Variants in MAGI1 observed in about 807,000 individuals in gnomAD.
The protein encoded by MAGI1 is membrane-associated guanylate kinase, WW and PDZ domain-containing protein 1.
A neutral mutation model predicts 139.9 loss-of-function variants in MAGI1; 58 were observed. The observed-to-expected ratio is 0.41, with a 90% CI of 0.34 to 0.52. The LOEUF (loss-of-function observed/expected upper bound fraction) is 0.52, where lower values mean the gene tolerates loss of function less well. Among genes scored for constraint, MAGI1 ranks in the 20% least tolerant of loss-of-function variants. MAGI1 has a pLI of 0.12. For missense variants in MAGI1, 1,874 were observed against 1,901.6 expected, an observed-to-expected ratio of 0.99 and a Z score of 0.27; for synonymous variants, 812 against 737.9, an observed-to-expected ratio of 1.10 and a Z score of -1.63.
chr3:65,593,473 T>G (rs2082055178), intron 2 of MAGI1, among the ~76,000 whole-genome samples: 1 of 152,182 alleles, frequency 6.6e-6, no homozygotes, highest in Non-Finnish European at 1.5e-5. Context: ...GTGAGCAGAG[T>G]AGAAATCTAA....
At chr3:65,574,892 T>A (rs748075583) in intron 2 of MAGI1, among the ~76,000 whole-genome samples, 1 of 152,006 alleles carries the variant, frequency 6.6e-6, no homozygotes, top group Non-Finnish European at 1.5e-5. Flanking sequence ...ACTAAAACAA[T>A]TGGACTTTCA....
At chr3:65,577,896 A>C (rs771065727) in intron 2 of MAGI1, among the ~76,000 whole-genome samples, 2 of 151,990 alleles carry the variant, frequency 1.3e-5, no homozygotes, top group Non-Finnish European at 2.9e-5. Context: ...ACATTCTTTT[A>C]TTTGCCTTTA....
chr3:65,766,505 C>G (rs948946064), intron 1 of MAGI1, among the ~76,000 whole-genome samples: 1 of 152,154 alleles, frequency 6.6e-6, no homozygotes, highest in Non-Finnish European at 1.5e-5. Flanking sequence ...CTCAGGTGAT[C>G]CGCTTGCTTA....
At position 65,430,582 on chromosome 3, in the gene MAGI1, T is replaced by C. The variant is rs145776043; in HGVS notation, c.1546+117A>G. On this transcript the variant is annotated intron_variant, in intron 11 of 22. Transcript: ENST00000402939. ...CTCAAGGTGTTTAAAGCTGTAAACA[T>C]GTGCAATCATGACGTTGCTTGGTCT... 8.6e-4 allele frequency: 889 copies of C among 1,035,168 alleles called. 3 individuals carry two copies. In the African/African-American group the frequency reaches 0.013, roughly 15 times the overall value. 64.1% of individuals were successfully genotyped at this position (1,035,168 alleles called of 1,614,324 possible).
At chr3:65,920,417 C>A (rs1472721089) in intron 1 of MAGI1, among the ~76,000 whole-genome samples, 1 of 152,176 alleles carries the variant, frequency 6.6e-6, no homozygotes, top group Non-Finnish European at 1.5e-5. Context: ...CAGTCACACA[C>A]AAACACCGTA....
chr3:65,431,927 A>C (rs562101954), intron 10 of MAGI1, among the ~76,000 whole-genome samples: 2 of 152,152 alleles, frequency 1.3e-5, no homozygotes, highest in Non-Finnish European at 2.9e-5. Flanking sequence ...CAGGAGGTAG[A>C]GGTTGCAGTG....
At chr3:65,370,795 C>T (rs931203850) in intron 18 of MAGI1, among the ~76,000 whole-genome samples, 5 of 152,166 alleles carry the variant, frequency 3.3e-5, no homozygotes, top group African/African-American at 7.2e-5. Context: ...AGTTGGACTA[C>T]GGGTGCAAGC....
chr3:65,913,143 C>T (rs1356950805), intron 1 of MAGI1, among the ~76,000 whole-genome samples: 2 of 152,010 alleles, frequency 1.3e-5, no homozygotes, highest in East Asian at 3.9e-4. Flanking sequence ...CACCTGTAAT[C>T]CCAGATACTC....
intron 1 of MAGI1, among the ~76,000 whole-genome samples, chr3:66,018,540 C>T (rs77333364): frequency 0.071 from 10,839 of 152,142 alleles, 458 homozygotes; most frequent in East Asian, 0.16. Flanking sequence ...CGGTAAGGGC[C>T]GGTGAAGGAA....
intron 15 of MAGI1, among the ~76,000 whole-genome samples, chr3:65,382,894 T>C (rs959536529): frequency 2.6e-5 from 4 of 152,164 alleles, no homozygotes; most frequent in African/African-American, 7.2e-5. Context: ...ACCTGGCACA[T>C]AGTAAGCGCT....
intron 12 of MAGI1, among the ~76,000 whole-genome samples, chr3:65,426,809 T>C (rs1044510363): frequency 1.3e-5 from 2 of 152,212 alleles, no homozygotes; most frequent in Admixed American, 6.5e-5. Flanking sequence ...TTCTATCCTA[T>C]ACATAAATCA....
At chr3:65,965,489 A>G (rs559731315) in intron 1 of MAGI1, among the ~76,000 whole-genome samples, 1 of 152,334 alleles carries the variant, frequency 6.6e-6, no homozygotes, top group African/African-American at 2.4e-5. Flanking sequence ...ATTAGGAAGG[A>G]AAATTAGCAA....
chr3:65,844,229 A>T (rs2058907063), intron 1 of MAGI1: 12 of 484,798 alleles, frequency 2.5e-5, no homozygotes, highest in South Asian at 1.7e-4. Flanking sequence ...TTCTCTGGTC[A>T]TTGAGCAGAT....
chr3:65,552,535 T>C (rs1448400335), intron 2 of MAGI1, among the ~76,000 whole-genome samples: 10 of 152,140 alleles, frequency 6.6e-5, no homozygotes, highest in African/African-American at 1.9e-4. Flanking sequence ...TTTGCACTCA[T>C]GATAGATTTT....
chr3:65,889,106 T>A (rs1426586687), intron 1 of MAGI1, among the ~76,000 whole-genome samples: 1 of 152,166 alleles, frequency 6.6e-6, no homozygotes, highest in Admixed American at 6.5e-5. Flanking sequence ...CAACTAATAT[T>A]AAGTAAGCAT....
intron 2 of MAGI1, among the ~76,000 whole-genome samples, chr3:65,598,894 G>GA (rs1408700051): frequency 1.3e-5 from 2 of 152,174 alleles, no homozygotes; most frequent in African/African-American, 4.8e-5. Flanking sequence ...TCTAGCTTTG[G>GA]AAAGGTAAGT....
At chr3:65,751,782 A>T (rs992543606) in intron 1 of MAGI1, among the ~76,000 whole-genome samples, 3 of 152,176 alleles carry the variant, frequency 2.0e-5, no homozygotes, top group Admixed American at 6.5e-5. Flanking sequence ...TCTACATTCA[A>T]TTTTATAGTT....
intron 1 of MAGI1, among the ~76,000 whole-genome samples, chr3:65,926,674 C>A (rs767655051): frequency 2.6e-5 from 4 of 152,102 alleles, no homozygotes; most frequent in Non-Finnish European, 4.4e-5. Context: ...TTTACAAATG[C>A]CATGGCAACA....
intron 1 of MAGI1, among the ~76,000 whole-genome samples, chr3:65,691,675 A>C (rs58984072): frequency 0.29 from 44,405 of 152,094 alleles, 6,550 homozygotes; most frequent in East Asian, 0.43. Context: ...AAAAACCTTG[A>C]ATTTCCAAAT....
Sources: allele counts gnomAD v4.1 joint callset (sites outside exome capture counted in the v4.1 genomes callset), GRCh38; gene constraint gnomAD v4.1.1; transcripts MANE v1.5; gene names NCBI Gene and HGNC (gene_info 2026-07-23, HGNC 2026-07-21).